The following SHISA9 variants were observed in gnomAD, a reference collection of about 807,000 sequenced individuals.
SHISA9 encodes protein shisa-9.
A neutral mutation model predicts 38.0 loss-of-function variants in SHISA9; 13 were observed. The observed-to-expected ratio is 0.34, with a 90% CI of 0.22 to 0.54. The LOEUF is 0.54. Among genes scored for constraint, SHISA9 ranks in the 20% least tolerant of loss-of-function variants. The pLI is 0.91. For missense variants in SHISA9, 538 were observed against 575.8 expected (o/e 0.93, Z 0.67); for synonymous variants, 275 against 242.0 (o/e 1.14, Z -1.27).
the SHISA9 span, among the ~76,000 whole-genome samples, chr16:13,388,029 G>T: frequency 6.6e-6 from 1 of 152,074 alleles, no homozygotes; most frequent in Non-Finnish European, 1.5e-5. Flanking sequence ...ACAAGCCTTG[G>T]TATTTCCATG....
the SHISA9 span, among the ~76,000 whole-genome samples, chr16:13,427,021 G>A: frequency 6.6e-6 from 1 of 152,202 alleles, no homozygotes; most frequent in Non-Finnish European, 1.5e-5. Flanking sequence ...GTCAGCTGGG[G>A]AGTTTGCTGC....
chr16:13,554,185 G>C, the SHISA9 span, among the ~76,000 whole-genome samples: 1 of 151,866 alleles, frequency 6.6e-6, no homozygotes, highest in Non-Finnish European at 1.5e-5. Flanking sequence ...TCACCTCCAG[G>C]GGTGGGCTCT....
At chr16:13,377,971 G>A in the SHISA9 span, among the ~76,000 whole-genome samples, 1 of 152,242 alleles carries the variant, frequency 6.6e-6, no homozygotes, top group Admixed American at 6.5e-5. Context: ...AGGCGGAGGT[G>A]GCAGTGAGCT....
chr16:13,226,104 T>G (rs1273319298), intron 4 of SHISA9, among the ~76,000 whole-genome samples: 1 of 152,182 alleles, frequency 6.6e-6, no homozygotes, highest in East Asian at 1.9e-4. Flanking sequence ...AAGTAGCTTT[T>G]TAATATACTA....
At chr16:12,908,674 C>A in intron 1 of SHISA9, 2 of 1,530,752 alleles carry the variant, frequency 1.3e-6, no homozygotes, top group South Asian at 1.2e-5. Context: ...GTACGCGATG[C>A]CCTGCAAACA....
the SHISA9 span, among the ~76,000 whole-genome samples, chr16:13,431,587 C>G: frequency 6.6e-6 from 1 of 152,098 alleles, no homozygotes. Flanking sequence ...TTTTCCAACA[C>G]AATGCCCAGT....
chr16:13,271,242 A>G, the SHISA9 span, among the ~76,000 whole-genome samples: 1 of 152,136 alleles, frequency 6.6e-6, no homozygotes, highest in South Asian at 2.1e-4. Flanking sequence ...CAGTGTAGAG[A>G]GAAGGAACAA....
At chr16:12,972,836 C>G (rs1395555165) in intron 2 of SHISA9, among the ~76,000 whole-genome samples, 1 of 152,062 alleles carries the variant, frequency 6.6e-6, no homozygotes, top group Non-Finnish European at 1.5e-5. Context: ...GATTTTGTGG[C>G]TGGGTGCAGT....
At chr16:12,954,404 A>G (rs1398181201) in intron 2 of SHISA9, among the ~76,000 whole-genome samples, 1 of 152,158 alleles carries the variant, frequency 6.6e-6, no homozygotes, top group African/African-American at 2.4e-5. Flanking sequence ...ATAAAGGGTG[A>G]TATGTTTGGA....
chr16:13,255,823 G>C, the SHISA9 span, among the ~76,000 whole-genome samples: 2 of 152,218 alleles, frequency 1.3e-5, no homozygotes, highest in Admixed American at 1.3e-4. Context: ...ATGGGGAAGA[G>C]AGATGATCAC....
chr16:13,531,674 AGAG>A, the SHISA9 span, among the ~76,000 whole-genome samples: 1 of 152,190 alleles, frequency 6.6e-6, no homozygotes, highest in Non-Finnish European at 1.5e-5. Flanking sequence ...CATGAGGTGG[AGAG>A]GGGACTGATT....
chr16:13,088,845 A>G (rs145933586), intron 2 of SHISA9, among the ~76,000 whole-genome samples: 1 of 152,304 alleles, frequency 6.6e-6, no homozygotes, highest in East Asian at 1.9e-4. Context: ...TTCCAACACT[A>G]TGTTGAATAG....
chr16:13,009,229 A>G (rs903971732), intron 2 of SHISA9, among the ~76,000 whole-genome samples: 1 of 152,020 alleles, frequency 6.6e-6, no homozygotes, highest in Non-Finnish European at 1.5e-5. Context: ...TAAGTGGAGG[A>G]GCTGGGAGTC....
At chr16:13,395,260 T>A in the SHISA9 span, among the ~76,000 whole-genome samples, 1 of 152,160 alleles carries the variant, frequency 6.6e-6, no homozygotes, top group African/African-American at 2.4e-5. Flanking sequence ...AAACAACAGC[T>A]CAAATGAACT....
chr16:13,209,678 C>A (rs991637511), intron 3 of SHISA9, among the ~76,000 whole-genome samples: 12 of 152,148 alleles, frequency 7.9e-5, no homozygotes, highest in Non-Finnish European at 1.5e-4. Flanking sequence ...ATAGACCGAG[C>A]CAAAAATGTA....
the SHISA9 span, among the ~76,000 whole-genome samples, chr16:13,259,897 C>T: frequency 1.6e-3 from 246 of 151,150 alleles, 1 homozygote; most frequent in African/African-American, 5.7e-3. Flanking sequence ...TGGCTGGAGA[C>T]ATTTTCCCCA....
At chr16:13,533,274 G>T in the SHISA9 span, among the ~76,000 whole-genome samples, 2 of 152,048 alleles carry the variant, frequency 1.3e-5, no homozygotes, top group Admixed American at 6.6e-5. Context: ...CTCTCGTTTT[G>T]GTTCCCCAGG....
chr16:13,519,170 A>G, the SHISA9 span, among the ~76,000 whole-genome samples: 48 of 152,394 alleles, frequency 3.1e-4, no homozygotes, highest in African/African-American at 1.1e-3. Flanking sequence ...GATGCAAGTA[A>G]AACATTTGAT....
chr16:13,370,209 C>T, the SHISA9 span, among the ~76,000 whole-genome samples: 1 of 152,142 alleles, frequency 6.6e-6, no homozygotes, highest in Non-Finnish European at 1.5e-5. Context: ...TTGGTAACGA[C>T]CAACGTAACT....
Sources: allele counts gnomAD v4.1 joint callset (sites outside exome capture counted in the v4.1 genomes callset), GRCh38; gene constraint gnomAD v4.1.1; transcripts MANE v1.5; gene names NCBI Gene and HGNC (gene_info 2026-07-23, HGNC 2026-07-21).